Variants in PREX1 observed in about 807,000 individuals in gnomAD.
PREX1 encodes the protein phosphatidylinositol 3,4,5-trisphosphate-dependent Rac exchanger 1 protein.
A neutral mutation model predicts 198.3 loss-of-function variants in PREX1; 41 were observed. That is an observed-to-expected ratio of 0.21 (90% CI 0.16 to 0.27). The LOEUF (loss-of-function observed/expected upper bound fraction) is 0.27. Among genes scored for constraint, PREX1 ranks in the 10% least tolerant of loss-of-function variants. The pLI is 1.00. For missense variants in PREX1, 1,620 were observed against 2,200.7 expected, an observed-to-expected ratio of 0.74 and a Z score of 5.28; for synonymous variants, 843 against 887.2, an observed-to-expected ratio of 0.95 and a Z score of 0.89.
At chr20:48,875,201 GT>G in the PREX1 span, among the ~76,000 whole-genome samples, 1 of 152,222 alleles carries the variant, frequency 6.6e-6, no homozygotes, top group African/African-American at 2.4e-5. Context: ...GTCAGGGAAG[GT>G]TTCTTGGGGA....
At chr20:48,661,526 AAT>A (rs2089595471) in intron 15 of PREX1, among the ~76,000 whole-genome samples, 1 of 118,844 alleles carries the variant, frequency 8.4e-6, no homozygotes, top group Non-Finnish European at 1.8e-5. Flanking sequence ...TAATATATAT[AAT>A]GTGTGTGTGT....
chr20:48,643,453 G>C (rs2089428701), intron 27 of PREX1, among the ~76,000 whole-genome samples: 1 of 151,102 alleles, frequency 6.6e-6, no homozygotes, highest in African/African-American at 2.4e-5. Flanking sequence ...TGACAACAGA[G>C]TGAGACTCTG....
At chr20:48,747,265 AAGCCAGGCCTGGAG>A (rs1187088368) in intron 2 of PREX1, among the ~76,000 whole-genome samples, 1 of 152,190 alleles carries the variant, frequency 6.6e-6, no homozygotes, top group Non-Finnish European at 1.5e-5. Flanking sequence ...GTCACACAGA[AAGCCAGGCCTGGAG>A]AGCCAGGCTG....
At chr20:48,817,885 T>C (rs1885286) in intron 1 of PREX1, among the ~76,000 whole-genome samples, 152,130 of 152,304 alleles carry the variant, frequency 1, 75,978 homozygotes, top group Middle Eastern at 1. Flanking sequence ...AAATCTCTAT[T>C]CTCTTGGCAT....
intron 1 of PREX1, among the ~76,000 whole-genome samples, chr20:48,826,864 A>T (rs922190460): frequency 3.3e-5 from 5 of 152,228 alleles, no homozygotes; most frequent in African/African-American, 1.2e-4. Flanking sequence ...GTCTCAAAAA[A>T]AAATTTTTTT....
chr20:48,862,273 C>A, the PREX1 span, among the ~76,000 whole-genome samples: 1 of 152,180 alleles, frequency 6.6e-6, no homozygotes, highest in East Asian at 1.9e-4. Context: ...TAAAACGATT[C>A]TTCATGACAA....
chr20:48,640,623 C>A (rs2089401826), intron 29 of PREX1, among the ~76,000 whole-genome samples: 1 of 152,168 alleles, frequency 6.6e-6, no homozygotes, highest in Non-Finnish European at 1.5e-5. Context: ...CTATCTCCTA[C>A]AATCTACAAT....
At position 48,635,612 on chromosome 20, in the gene PREX1, C is replaced by G. The variant is rs546586117; in HGVS notation, c.4168-837G>C. On this transcript the variant is annotated intron_variant, in intron 32 of 39. Transcript: ENST00000371941. ...CACTGTCTGCCTGGCTGGCTGAGGT[C>G]TCAGCTCAAGCGTCACCACCTCACA... Among the ~76,000 whole-genome samples the G allele has an allele frequency of 2.7e-4, 41 of 152,322 alleles. No individual in the cohort carries two copies. In the South Asian group the frequency reaches 8.3e-3, roughly 31 times the overall value.
rs543805792 is a variant in PREX1 at position 48,636,544 on chromosome 20, G to C, written c.4086C>G (p.Asp1362Glu). ...NNGEYEESSRDASRKWLEQVA... is the reference protein window; with the variant it reads ...NNGEYEESSREASRKWLEQVA... ...CCTGCTCCAGCCACTTGCGGCTGGC[G>C]TCGCGGCTGCTCTCCTCGTACTCGC... The change falls in exon 32 of 40, where the codon GAC (aspartate) becomes GAG (glutamate). Residue 1362 changes from aspartate to glutamate, a missense_variant. Asp to Glu is a conservative substitution (Grantham distance 45). Around this residue, in one of 7 missense-constraint regions of PREX1, gnomAD observed 476 missense variants for 603.4 expected, o/e 0.79. Transcript: ENST00000371941. The C allele has an allele frequency of 2.5e-6, 4 of 1,611,464 alleles. No individual in the cohort carries two copies. The highest frequency in any genetic ancestry group is 3.4e-6 in the Non-Finnish European group (4 of 1,179,632).
At chr20:48,759,701 G>A (rs1025235299) in intron 1 of PREX1, among the ~76,000 whole-genome samples, 2 of 152,044 alleles carry the variant, frequency 1.3e-5, no homozygotes, top group African/African-American at 4.8e-5. Context: ...CCTCTATAAC[G>A]GGGGATAAAA....
intron 15 of PREX1, among the ~76,000 whole-genome samples, chr20:48,660,626 T>C (rs2089583747): frequency 6.6e-6 from 1 of 152,228 alleles, no homozygotes; most frequent in South Asian, 2.1e-4. Context: ...AAGGAGTCTG[T>C]GTATAAGACC....
rs960129149 is a variant in PREX1 at position 48,700,869 on chromosome 20, G to A, written c.801C>T (p.Asp267=). The A allele has an allele frequency of 6.2e-7, 1 of 1,614,190 alleles. No individual in the cohort carries two copies. The highest frequency in any genetic ancestry group is 8.5e-7 in the Non-Finnish European group (1 of 1,180,026). ...IEGWEGSNLT[D]ICTQLLLQGT... ...CTTGCAGGAGGAGCTGAGTGCAGAT[G>A]TCTGTGAGGTTGGAACCCTGGAAGC... The change falls in exon 7 of 40, where the codon GAC becomes GAT. Residue 267 remains aspartate, a synonymous_variant. Coordinates refer to ENST00000371941, the MANE Select transcript of PREX1 (RefSeq NM_020820.4).
intron 10 of PREX1, among the ~76,000 whole-genome samples, chr20:48,685,311 A>T (rs544085494): frequency 1.8e-4 from 28 of 152,340 alleles, no homozygotes; most frequent in Admixed American, 1.4e-3. Flanking sequence ...TAATACACAC[A>T]GATTTTATTC....
At chr20:48,887,912 C>G in the PREX1 span, among the ~76,000 whole-genome samples, 7 of 146,036 alleles carry the variant, frequency 4.8e-5, no homozygotes, top group Non-Finnish European at 1.1e-4. Flanking sequence ...ATCACGCCGC[C>G]GCACTCCAGC....
intron 1 of PREX1, among the ~76,000 whole-genome samples, chr20:48,799,937 T>C (rs2090379262): frequency 6.6e-6 from 1 of 151,820 alleles, no homozygotes; most frequent in African/African-American, 2.4e-5. Context: ...AGCAGACCCC[T>C]GCCATAAAGG....
chr20:48,661,444 A>AATATATATATAT (rs1159107194), intron 15 of PREX1, among the ~76,000 whole-genome samples: 82 of 49,542 alleles, frequency 1.7e-3, no homozygotes, highest in Non-Finnish European at 2.0e-3. Flanking sequence ...AAAAAAAAAA[A>AATATATATATAT]ATATATATAT....
intron 5 of PREX1, among the ~76,000 whole-genome samples, chr20:48,710,179 C>T (rs6019387): frequency 0.3 from 46,102 of 152,154 alleles, 9,444 homozygotes; most frequent in African/African-American, 0.59. Flanking sequence ...AAAAGAGAAG[C>T]AAGCCCAGAA....
chr20:48,728,571 C>T (rs2122707638), intron 4 of PREX1, among the ~76,000 whole-genome samples: 1 of 152,356 alleles, frequency 6.6e-6, no homozygotes, highest in South Asian at 2.1e-4. Context: ...CTGGGAGATG[C>T]CGGGCCCCAC....
intron 14 of PREX1, among the ~76,000 whole-genome samples, chr20:48,668,075 A>G (rs1275207269): frequency 2.0e-5 from 3 of 152,010 alleles, no homozygotes; most frequent in Non-Finnish European, 4.4e-5. Context: ...TCCCCCCTTC[A>G]ATTAGCCAGG....
Sources: allele counts gnomAD v4.1 joint callset (sites outside exome capture counted in the v4.1 genomes callset), GRCh38; gene constraint gnomAD v4.1.1; regional missense constraint gnomAD v4.1.1; transcripts MANE v1.5; gene names NCBI Gene and HGNC (gene_info 2026-07-23, HGNC 2026-07-21).